The following PCDH15 variants were observed in gnomAD, a reference collection of about 807,000 sequenced individuals.
PCDH15 encodes the protein protocadherin related 15.
A neutral mutation model predicts 178.5 loss-of-function variants in PCDH15; 129 were observed. The ratio of observed to expected loss-of-function variants is 0.72; its 90% confidence interval spans 0.63 to 0.84. PCDH15 has a LOEUF of 0.84. PCDH15 is among the 40% of genes least tolerant of loss of function. PCDH15 has a pLI of 0.00. For synonymous variants in PCDH15, 800 were observed against 732.0 expected, an observed-to-expected ratio of 1.09 and a Z score of -1.50; for missense variants, 2,230 against 2,099.9, an observed-to-expected ratio of 1.06 and a Z score of -1.21.
At chr10:55,227,933 C>A (rs1043438867) in intron 1 of PCDH15, among the ~76,000 whole-genome samples, 1 of 152,044 alleles carries the variant, frequency 6.6e-6, no homozygotes, top group African/African-American at 2.4e-5. Flanking sequence ...GACAGCCCCC[C>A]CATCCCCAAC....
intron 2 of PCDH15, among the ~76,000 whole-genome samples, chr10:54,643,077 C>T (rs1480573572): frequency 6.6e-6 from 1 of 152,124 alleles, no homozygotes; most frequent in Non-Finnish European, 1.5e-5. Flanking sequence ...TGCCTGCCAG[C>T]ACGCCCAGCT....
intron 3 of PCDH15, among the ~76,000 whole-genome samples, chr10:54,416,024 T>C (rs1954311714): frequency 6.6e-6 from 1 of 152,054 alleles, no homozygotes; most frequent in Admixed American, 6.6e-5. Context: ...AGTGCAGTAG[T>C]GTGATCACAG....
rs544440855 is a variant in PCDH15, at chr10:55,084,414, G to A, written c.-80+82162C>T. ...GACCCCTATCTCTTGCCATATATGA[G>A]AATCCAATAAAAATTGATTAAAGAC... On this transcript the variant is annotated intron_variant, in intron 2 of 5. Transcript: ENST00000458638. 5.4e-5 allele frequency among the ~76,000 whole-genome samples: 8 copies of A among 147,298 alleles called. No homozygotes were observed. In the South Asian group the frequency reaches 6.4e-4, roughly 12 times the overall value.
intron 2 of PCDH15, among the ~76,000 whole-genome samples, chr10:55,159,017 G>A (rs1378361399): frequency 1.3e-5 from 2 of 151,942 alleles, no homozygotes; most frequent in African/African-American, 2.4e-5. Context: ...AGTGTGAAGG[G>A]CAGTTATTAT....
intron 2 of PCDH15, among the ~76,000 whole-genome samples, chr10:54,979,821 A>G (rs1839182345): frequency 6.6e-6 from 1 of 152,152 alleles, no homozygotes; most frequent in African/African-American, 2.4e-5. Context: ...TCTACGTGTA[A>G]CATACAATAT....
chr10:54,813,861 G>C (rs1952905922), intron 3 of PCDH15, among the ~76,000 whole-genome samples: 1 of 152,058 alleles, frequency 6.6e-6, no homozygotes, highest in Non-Finnish European at 1.5e-5. Context: ...TCAATATCTA[G>C]TTTTATCTGG....
At chr10:54,574,850 C>A (rs573352718) in intron 2 of PCDH15, among the ~76,000 whole-genome samples, 1 of 143,496 alleles carries the variant, frequency 7.0e-6, no homozygotes, top group Non-Finnish European at 1.5e-5. Flanking sequence ...CACATGCACA[C>A]GTATGTTTAT....
chr10:54,124,650 C>T (rs1226098366), intron 15 of PCDH15, among the ~76,000 whole-genome samples: 2 of 152,118 alleles, frequency 1.3e-5, no homozygotes, highest in African/African-American at 2.4e-5. Context: ...TTGTAATACA[C>T]GTGACATTAT....
rs12774163 is a variant in PCDH15 at position 55,433,718 on chromosome 10, A to C, written c.-156+193907T>G. Among the ~76,000 whole-genome samples, 5 of 152,240 alleles carry C rather than the reference A, an allele frequency of 3.3e-5. No homozygotes were observed. The South Asian group carries it at 1.0e-3, about 32-fold the overall frequency. ...TAATTTTTATATCCTCTTCTTCCCC[A>C]ATAACATAATTGCATTTCCCTAAAC... On this transcript the variant is annotated intron_variant, in intron 2 of 5. Transcript: ENST00000613346.
At chr10:55,273,924 C>T (rs965015519) in intron 1 of PCDH15, among the ~76,000 whole-genome samples, 8 of 73,318 alleles carry the variant, frequency 1.1e-4, no homozygotes, top group Non-Finnish European at 1.9e-4. Context: ...AAAGTTAACA[C>T]CTCCCACACA....
chr10:54,671,014 T>C (rs918849591), intron 1 of PCDH15, among the ~76,000 whole-genome samples: 1 of 152,130 alleles, frequency 6.6e-6, no homozygotes, highest in Non-Finnish European at 1.5e-5. Flanking sequence ...CTCAGTCTTT[T>C]AGATAAATAC....
intron 2 of PCDH15, among the ~76,000 whole-genome samples, chr10:54,987,445 C>T (rs10159792): frequency 0.36 from 55,435 of 151,976 alleles, 12,291 homozygotes; most frequent in African/African-American, 0.62. Flanking sequence ...CACCACACTG[C>T]CTTCCAAATG....
chr10:54,967,277 T>C (rs1312991499), intron 2 of PCDH15, among the ~76,000 whole-genome samples: 2 of 152,160 alleles, frequency 1.3e-5, no homozygotes, highest in African/African-American at 2.4e-5. Context: ...TATGCATAAC[T>C]GTGTATTAAA....
At chr10:55,130,511 G>A (rs1296462973) in intron 2 of PCDH15, among the ~76,000 whole-genome samples, 1 of 152,144 alleles carries the variant, frequency 6.6e-6, no homozygotes, top group Non-Finnish European at 1.5e-5. Flanking sequence ...ACTACCAGGG[G>A]TCAAAGCTCA....
intron 1 of PCDH15, among the ~76,000 whole-genome samples, chr10:55,209,675 A>G (rs1840507373): frequency 6.6e-6 from 1 of 152,140 alleles, no homozygotes; most frequent in Non-Finnish European, 1.5e-5. Flanking sequence ...GATATACATA[A>G]TGGTGGAAAA....
At chr10:54,270,378 A>C (rs2057971857) in intron 8 of PCDH15, among the ~76,000 whole-genome samples, 1 of 152,166 alleles carries the variant, frequency 6.6e-6, no homozygotes, top group Admixed American at 6.6e-5. Context: ...TATGGAATAC[A>C]TGAACACATT....
chr10:54,280,897 A>C (rs1197207167), intron 8 of PCDH15, among the ~76,000 whole-genome samples: 2 of 151,876 alleles, frequency 1.3e-5, no homozygotes. Flanking sequence ...TGTTTGCCCC[A>C]GTATCTTAAT....
At chr10:55,049,473 C>T (rs1841102929) in intron 2 of PCDH15, among the ~76,000 whole-genome samples, 1 of 151,182 alleles carries the variant, frequency 6.6e-6, no homozygotes, top group African/African-American at 2.4e-5. Flanking sequence ...GGGCTGCATT[C>T]ATGAAAAAAA....
At chr10:54,598,930 T>G (rs191666934) in intron 2 of PCDH15, among the ~76,000 whole-genome samples, 98 of 151,748 alleles carry the variant, frequency 6.5e-4, no homozygotes, top group African/African-American at 2.3e-3. Flanking sequence ...AGGTGAAAGA[T>G]CTCTACAATG....
Sources: gnomAD v4.1 joint callset for allele counts (sites outside exome capture counted in the v4.1 genomes callset) on GRCh38, gnomAD v4.1.1 for gene constraint, MANE v1.5 for transcripts, NCBI Gene and HGNC (gene_info 2026-07-23, HGNC 2026-07-21) for gene names.